TTC23L: variants seen among roughly 807,000 people sequenced by gnomAD.
TTC23L encodes the protein tetratricopeptide repeat protein 23-like.
In TTC23L, 42 loss-of-function variants were observed where a neutral mutation model predicts 48.1. The observed-to-expected ratio is 0.87, with a 90% CI of 0.68 to 1.13. The LOEUF is 1.13. Among genes scored for constraint, TTC23L ranks in the 50% most tolerant of loss-of-function variants. TTC23L has a pLI of 0.00. For synonymous variants in TTC23L, 159 were observed against 157.2 expected (o/e 1.01, Z -0.09); for missense variants, 391 against 421.0 (o/e 0.93, Z 0.62).
intron 4 of TTC23L, among the ~76,000 whole-genome samples, chr5:34,857,291 C>G (rs1035210299): frequency 3.9e-5 from 6 of 152,166 alleles, no homozygotes; most frequent in African/African-American, 1.4e-4. Flanking sequence ...CGTGGACAAG[C>G]AGTTTTCTGA....
the TTC23L span, among the ~76,000 whole-genome samples, chr5:34,924,192 A>T: frequency 6.6e-6 from 1 of 152,226 alleles, no homozygotes; most frequent in East Asian, 1.9e-4. Context: ...TTGGCACGAT[A>T]AGTGCAGAAA....
chr5:34,918,817 C>CT, the TTC23L span: 40,592 of 132,272 alleles, frequency 0.31, 6,452 homozygotes, highest in Non-Finnish European at 0.38. Flanking sequence ...CTTTTTGGGC[C>CT]TTTTTTTTTT....
At chr5:34,922,136 T>C in the TTC23L span, 1 of 741,962 alleles carries the variant, frequency 1.3e-6, no homozygotes, top group African/African-American at 1.8e-5. Context: ...TGAGATAATC[T>C]GGATGATATT....
intron 6 of TTC23L, among the ~76,000 whole-genome samples, 199 bp from the exon 7 acceptor site, chr5:34,866,693 G>A (rs1761068688): frequency 6.6e-6 from 1 of 152,146 alleles, no homozygotes; most frequent in African/African-American, 2.4e-5. Flanking sequence ...TGGGTTTAAT[G>A]AGTGGTCGTC....
intron 4 of TTC23L, among the ~76,000 whole-genome samples, chr5:34,862,436 G>A (rs4703481): frequency 0.14 from 20,792 of 152,194 alleles, 1,469 homozygotes; most frequent in South Asian, 0.16. Context: ...GACTATCTCT[G>A]TGTGTTTGGT....
chr5:34,922,181 T>C, the TTC23L span: 2 of 1,180,520 alleles, frequency 1.7e-6, no homozygotes, highest in Admixed American at 2.1e-5. Context: ...TCATTTATAT[T>C]ATCTACTTCA....
At chr5:34,841,438 T>G (rs1477490335) in intron 2 of TTC23L, among the ~76,000 whole-genome samples, 2 of 152,182 alleles carry the variant, frequency 1.3e-5, no homozygotes, top group Non-Finnish European at 2.9e-5. Context: ...ATCAAAGAGA[T>G]GTTAGGGAGT....
intron 6 of TTC23L, 129 bp downstream of exon 6, chr5:34,864,691 A>G (rs1760924060): frequency 5.0e-6 from 6 of 1,197,464 alleles, no homozygotes; most frequent in Non-Finnish European, 6.8e-6. Flanking sequence ...GCTCATATTT[A>G]CCAAATGGAT....
At chr5:34,901,395 CACTT>C (rs1339163924), downstream of TTC23L, among the ~76,000 whole-genome samples, 2 of 152,196 alleles carry the variant, frequency 1.3e-5, no homozygotes, top group Admixed American at 6.5e-5. Flanking sequence ...CCTTCTGAAA[CACTT>C]ACCCTGATCT....
chr5:34,875,320 A>G (rs192624411), intron 8 of TTC23L, among the ~76,000 whole-genome samples: 1 of 152,298 alleles, frequency 6.6e-6, no homozygotes, highest in African/African-American at 2.4e-5. Context: ...TAGGATAGAT[A>G]CATATATATA....
intron 9 of TTC23L, among the ~76,000 whole-genome samples, chr5:34,889,162 A>G (rs149377058): frequency 1.2e-3 from 185 of 152,312 alleles, no homozygotes; most frequent in African/African-American, 4.3e-3. Context: ...AACTTGTTGA[A>G]TTTATACCAA....
At chr5:34,915,091 T>TA in the TTC23L span, 1 of 587,256 alleles carries the variant, frequency 1.7e-6, no homozygotes, top group Non-Finnish European at 3.0e-6. Flanking sequence ...CTATGTCACT[T>TA]AACTATCTTT....
rs557183135 is a variant in TTC23L at position 34,879,825 on chromosome 5, A to G, written c.950-356A>G. Among the ~76,000 whole-genome samples, 96 of 152,184 alleles carry G rather than the reference A, an allele frequency of 6.3e-4. No homozygotes were observed. The Middle Eastern group carries it at 0.01, about 16-fold the overall frequency. On this transcript the variant is annotated intron_variant, in intron 8 of 10. Coordinates refer to ENST00000505624, the Ensembl canonical transcript of TTC23L. Reference sequence around the variant, plus strand: ...GTCCTGGCCAACATGGTGAAACCCCATCTCTACTAAAAATACAAAAATTAG... The same window carrying G: ...GTCCTGGCCAACATGGTGAAACCCCGTCTCTACTAAAAATACAAAAATTAG...
At chr5:34,871,127 G>C (rs966580696) in intron 8 of TTC23L, among the ~76,000 whole-genome samples, 9 of 152,050 alleles carry the variant, frequency 5.9e-5, no homozygotes, top group African/African-American at 2.2e-4. Flanking sequence ...AAAATAAAAT[G>C]GTCCCTATTT....
chr5:34,924,799 G>T, the TTC23L span: 2 of 1,348,358 alleles, frequency 1.5e-6, no homozygotes, highest in South Asian at 1.2e-5. Context: ...TATACCTTTT[G>T]GGAATAACGT....
At chr5:34,890,084 G>A (rs1762774183) in intron 9 of TTC23L, among the ~76,000 whole-genome samples, 2 of 151,342 alleles carry the variant, frequency 1.3e-5, no homozygotes, top group Non-Finnish European at 2.9e-5. Flanking sequence ...TGATCCACCC[G>A]CCTCAGCCTC....
the TTC23L span, chr5:34,914,016 A>G: frequency 4.4e-6 from 2 of 456,684 alleles, no homozygotes; most frequent in South Asian, 1.5e-5. Flanking sequence ...GTGAGCCACC[A>G]TACCATGCCC....
chr5:34,887,059 A>G (rs1195834289), intron 9 of TTC23L, among the ~76,000 whole-genome samples: 1 of 152,162 alleles, frequency 6.6e-6, no homozygotes, highest in Admixed American at 6.5e-5. Flanking sequence ...GTCAGAGGAA[A>G]AGTTGGTAAA....
At chr5:34,881,223 G>C (rs920519465) in intron 9 of TTC23L, among the ~76,000 whole-genome samples, 1 of 151,994 alleles carries the variant, frequency 6.6e-6, no homozygotes, top group East Asian at 1.9e-4. Flanking sequence ...TTCCATCTTC[G>C]GATCTAGCTA....
Sources: allele counts gnomAD v4.1 joint callset (sites outside exome capture counted in the v4.1 genomes callset), GRCh38; gene constraint gnomAD v4.1.1; transcripts MANE v1.5; gene names NCBI Gene and HGNC (gene_info 2026-07-23, HGNC 2026-07-21).